The following TFEC variants were observed in gnomAD, a reference collection of about 807,000 sequenced individuals.
The protein encoded by TFEC is class E basic helix-loop-helix protein 34.
In TFEC, 31 loss-of-function variants were observed where a neutral mutation model predicts 41.6. The observed-to-expected ratio is 0.74, with a 90% CI of 0.56 to 1.01. TFEC has a LOEUF of 1.01. Among genes scored for constraint, TFEC ranks in the 50% least tolerant of loss-of-function variants. The pLI is 0.00. For synonymous variants in TFEC, 143 were observed against 140.6 expected, an observed-to-expected ratio of 1.02 and a Z score of -0.12; for missense variants, 402 against 404.1, an observed-to-expected ratio of 0.99 and a Z score of 0.04.
chr7:115,998,600 A>G (rs1419290833), intron 1 of TFEC, among the ~76,000 whole-genome samples: 1 of 152,076 alleles, frequency 6.6e-6, no homozygotes, highest in Non-Finnish European at 1.5e-5. Flanking sequence ...CATTAGCTAT[A>G]AAGATACACA....
At chr7:116,045,004 C>A (rs1225510893) in intron 3 of TFEC, among the ~76,000 whole-genome samples, 1 of 152,222 alleles carries the variant, frequency 6.6e-6, no homozygotes, top group Non-Finnish European at 1.5e-5. Context: ...TAAAAACTGG[C>A]AGCCTATAAA....
At position 115,984,371 on chromosome 7, in the gene TFEC, G is replaced by C; in HGVS notation, c.71C>G (p.Pro24Arg). The C allele has an allele frequency of 1.2e-6, 2 of 1,614,160 alleles. No individual in the cohort carries two copies. Among genetic ancestry groups the C allele is most frequent in the Non-Finnish European group, 1.7e-6 (2 of 1,179,996 alleles). Reference sequence around the variant, plus strand: ...AGTTGTGTGTGCATGCTGCACAAGAGGCCCACCACTTGGCACTGCAGGTTG... The same window carrying C: ...AGTTGTGTGTGCATGCTGCACAAGACGCCCACCACTTGGCACTGCAGGTTG... ...WSQPAVPSGG[P>R]LVQHAHTTLD... Residue 24 changes from proline to arginine, a missense_variant, in exon 2 of 8, where the codon CCT becomes CGT. Physicochemically the swap from Pro to Arg is moderately radical, Grantham distance 103. Coordinates refer to ENST00000265440, the MANE Select transcript of TFEC (RefSeq NM_012252.4).
At chr7:116,132,989 T>C (rs1798362574) in intron 1 of TFEC, among the ~76,000 whole-genome samples, 1 of 152,236 alleles carries the variant, frequency 6.6e-6, no homozygotes, top group Non-Finnish European at 1.5e-5. Flanking sequence ...GTTTCATTAA[T>C]TTTTAAGCTT....
chr7:116,027,993 C>T lies in TFEC; in HGVS notation c.-73+2640G>A, dbSNP rs556076342. ...CATTAGGCTCAACTTCCCTCTATTT[C>T]CTGAGAGCAACTGAAAAACTGGGAA... On this transcript the variant is annotated intron_variant, in intron 1 of 7. Coordinates refer to ENST00000265440, the MANE Select transcript of TFEC (RefSeq NM_012252.4). Among the ~76,000 whole-genome samples the T allele has an allele frequency of 2.6e-5, 4 of 152,252 alleles. No individual in the cohort carries two copies. The South Asian group carries it at 8.3e-4, about 32-fold the overall frequency.
chr7:116,152,769 C>T (rs1242013807), intron 1 of TFEC, among the ~76,000 whole-genome samples: 1 of 152,098 alleles, frequency 6.6e-6, no homozygotes, highest in Non-Finnish European at 1.5e-5. Context: ...TTAATTGCAT[C>T]CTAGAGCAAA....
chr7:116,031,844 A>G (rs1795791701), upstream of TFEC, among the ~76,000 whole-genome samples: 1 of 152,124 alleles, frequency 6.6e-6, no homozygotes, highest in African/African-American at 2.4e-5. Context: ...TGGTTGTTTT[A>G]TCATACATCT....
intron 3 of TFEC, among the ~76,000 whole-genome samples, chr7:116,082,204 T>C (rs1376102333): frequency 6.6e-6 from 1 of 152,032 alleles, no homozygotes; most frequent in Admixed American, 6.6e-5. Flanking sequence ...AAGTAATAAA[T>C]GTGTGTACAT....
At chr7:116,048,817 G>A (rs563928854) in intron 3 of TFEC, among the ~76,000 whole-genome samples, 72 of 152,212 alleles carry the variant, frequency 4.7e-4, no homozygotes, top group African/African-American at 1.7e-3. Flanking sequence ...AGAGAGTGGG[G>A]GCCAATATTC....
intron 1 of TFEC, among the ~76,000 whole-genome samples, chr7:116,126,607 G>GA (rs1233922554): frequency 6.6e-6 from 1 of 152,062 alleles, no homozygotes; most frequent in Non-Finnish European, 1.5e-5. Context: ...AAATCTGAGA[G>GA]AAAATGACTT....
chr7:116,098,993 T>C (rs139193810), intron 3 of TFEC, among the ~76,000 whole-genome samples: 1 of 152,116 alleles, frequency 6.6e-6, no homozygotes, highest in East Asian at 1.9e-4. Flanking sequence ...TACTGGCAAA[T>C]TGAATCTAGC....
chr7:115,941,646 T>C, intron 7 of TFEC: 1 of 490,146 alleles, frequency 2.0e-6, no homozygotes, highest in East Asian at 3.0e-5. Flanking sequence ...CATACACACA[T>C]ATATACACAT....
intron 3 of TFEC, among the ~76,000 whole-genome samples, chr7:116,080,389 C>G (rs1797059642): frequency 6.6e-6 from 1 of 152,110 alleles, no homozygotes; most frequent in Admixed American, 6.6e-5. Context: ...AGACAACCCA[C>G]AGAGTGGGAG....
At chr7:115,960,292 C>T (rs1032306541) in intron 3 of TFEC, among the ~76,000 whole-genome samples, 3 of 151,522 alleles carry the variant, frequency 2.0e-5, no homozygotes, top group Non-Finnish European at 4.4e-5. Context: ...TTATATCCAG[C>T]TCAAATGTCA....
chr7:116,075,182 G>A (rs1796928410), intron 3 of TFEC, among the ~76,000 whole-genome samples: 1 of 152,254 alleles, frequency 6.6e-6, no homozygotes, highest in Admixed American at 6.5e-5. Flanking sequence ...CTTTACTTGG[G>A]TGAACTAAAT....
intron 7 of TFEC, chr7:115,941,404 T>C (rs1329078361): frequency 1.2e-5 from 2 of 163,514 alleles, no homozygotes; most frequent in Non-Finnish European, 2.6e-5. Context: ...AGAAGTGACT[T>C]AATATACACT....
chr7:116,148,147 A>T (rs1475499952), intron 1 of TFEC, among the ~76,000 whole-genome samples: 1 of 152,138 alleles, frequency 6.6e-6, no homozygotes, highest in Non-Finnish European at 1.5e-5. Flanking sequence ...GAGATAATAG[A>T]CAGTACAAAG....
intron 1 of TFEC, among the ~76,000 whole-genome samples, chr7:115,996,880 CT>C (rs902726530): frequency 3.2e-4 from 49 of 152,172 alleles, no homozygotes; most frequent in Admixed American, 2.5e-3. Flanking sequence ...GTGGGAAGGA[CT>C]TTGTCTTGTG....
intron 1 of TFEC, among the ~76,000 whole-genome samples, chr7:116,115,196 A>G (rs1797953266): frequency 6.6e-6 from 1 of 151,958 alleles, no homozygotes; most frequent in African/African-American, 2.4e-5. Flanking sequence ...GGCTCTTTAG[A>G]CCTCAGTTAT....
intron 3 of TFEC, among the ~76,000 whole-genome samples, chr7:116,060,736 A>C (rs1251127591): frequency 2.0e-5 from 3 of 152,112 alleles, no homozygotes; most frequent in African/African-American, 7.2e-5. Context: ...GAAGGAGAGG[A>C]GCAGAAAAGA....
Sources: allele counts gnomAD v4.1 joint callset (sites outside exome capture counted in the v4.1 genomes callset), GRCh38; gene constraint gnomAD v4.1.1; transcripts MANE v1.5; gene names NCBI Gene and HGNC (gene_info 2026-07-23, HGNC 2026-07-21).